SATB2: variants seen among roughly 807,000 people sequenced by gnomAD.
The protein encoded by SATB2 is SATB homeobox 2.
SATB2 carries 1 observed loss-of-function variant against 73.4 expected under a neutral mutation model. The ratio of observed to expected loss-of-function variants is 0.01; its 90% CI spans 0.00 to 0.06. The LOEUF is 0.06. Ranked by LOEUF, SATB2 falls within the 10% of genes least tolerant of loss-of-function variation. The probability of loss-of-function intolerance (pLI) is 1.00; values close to 1 mark genes in which losing one functional copy is unlikely to be tolerated. For missense variants in SATB2, 459 were observed against 945.8 expected (o/e 0.49, Z 6.75); for synonymous variants, 397 against 367.0 (o/e 1.08, Z -0.93).
At chr2:199,428,658 A>G (rs1691405921) in intron 3 of SATB2, among the ~76,000 whole-genome samples, 1 of 152,222 alleles carries the variant, frequency 6.6e-6, no homozygotes, top group African/African-American at 2.4e-5. Context: ...TGAGAATTAA[A>G]TGAGTTAGTA....
chr2:199,402,241 C>G (rs146230851), intron 3 of SATB2, among the ~76,000 whole-genome samples: 5,416 of 152,224 alleles, frequency 0.036, 154 homozygotes, highest in Middle Eastern at 0.086. Flanking sequence ...AAAAATTAGC[C>G]AGGCGTAGTG....
At chr2:199,307,169 A>G (rs1461386709) in intron 10 of SATB2, among the ~76,000 whole-genome samples, 1 of 152,196 alleles carries the variant, frequency 6.6e-6, no homozygotes, top group African/African-American at 2.4e-5. Flanking sequence ...TAGCATTTAC[A>G]TGATCTTTTG....
intron 2 of SATB2, among the ~76,000 whole-genome samples, chr2:199,439,966 A>T (rs1365068217): frequency 6.6e-6 from 1 of 152,056 alleles, no homozygotes; most frequent in Non-Finnish European, 1.5e-5. Context: ...CTAGCCGGAC[A>T]TGGTGGCAGG....
At position 199,413,914 on chromosome 2, in the gene SATB2, C is replaced by T. The variant is rs942038182; in HGVS notation, c.346+19424G>A. Among the ~76,000 whole-genome samples the T allele has an allele frequency of 3.9e-5, 6 of 152,202 alleles. No homozygotes were observed. In the Middle Eastern group the frequency reaches 0.01, roughly 259 times the overall value. Reference sequence around the variant, plus strand: ...AAATAAAACTCCTGTTTGGTTAAGCCGCTGTTGAAGAGTTTCTGCTACATA... The same window carrying T: ...AAATAAAACTCCTGTTTGGTTAAGCTGCTGTTGAAGAGTTTCTGCTACATA... On this transcript the variant is annotated intron_variant, in intron 3 of 10. Coordinates refer to ENST00000417098, the MANE Select transcript of SATB2 (RefSeq NM_001172509.2).
At chr2:199,290,911 A>G (rs1692837570) in intron 10 of SATB2, among the ~76,000 whole-genome samples, 1 of 152,224 alleles carries the variant, frequency 6.6e-6, no homozygotes, top group Admixed American at 6.5e-5. Context: ...GAGAATCCAT[A>G]TAAGACAAAC....
intron 10 of SATB2, among the ~76,000 whole-genome samples, chr2:199,307,914 T>C (rs1687480703): frequency 2.0e-5 from 3 of 152,144 alleles, no homozygotes; most frequent in Admixed American, 6.5e-5. Context: ...CTCAACTTTC[T>C]TTTTCTTACT....
chr2:199,269,759 C>A lies in SATB2; in HGVS notation c.*2452G>T, dbSNP rs1382639714. Reference sequence around the variant, plus strand: ...GAGGCACTACAAGAGAAAGTTTCTTCTTCCAAATAGATATTATATGACAGA... The same window carrying A: ...GAGGCACTACAAGAGAAAGTTTCTTATTCCAAATAGATATTATATGACAGA... On this transcript the variant is annotated 3_prime_UTR_variant, in exon 11 of 11. Coordinates refer to ENST00000417098, the MANE Select transcript of SATB2 (RefSeq NM_001172509.2). The A allele has an allele frequency of 6.7e-6, 1 of 149,112 alleles. No individual in the cohort carries two copies. Among genetic ancestry groups the A allele is most frequent in the African/African-American group, 2.5e-5 (1 of 40,500 alleles). The allele number at this position is 149,112 out of a possible 1,614,324, so 9.2% of individuals were successfully genotyped here.
At chr2:199,388,073 C>T (rs1690013828) in intron 3 of SATB2, among the ~76,000 whole-genome samples, 1 of 152,228 alleles carries the variant, frequency 6.6e-6, no homozygotes, top group Admixed American at 6.5e-5. Context: ...GGTGATAATA[C>T]ACATTATAGT....
chr2:199,432,540 T>C (rs1471772141), intron 3 of SATB2, among the ~76,000 whole-genome samples: 2 of 152,328 alleles, frequency 1.3e-5, no homozygotes, highest in East Asian at 1.9e-4. Flanking sequence ...AAGTTACGGA[T>C]TTCTCTCCTT....
intron 2 of SATB2, among the ~76,000 whole-genome samples, chr2:199,441,400 TATTA>T (rs1247087657): frequency 6.6e-6 from 1 of 152,206 alleles, no homozygotes; most frequent in Non-Finnish European, 1.5e-5. Flanking sequence ...TTCTCAATTT[TATTA>T]TTTATTATGA....
chr2:199,275,069 CAA>C (rs1692271302), intron 10 of SATB2, among the ~76,000 whole-genome samples: 1 of 152,064 alleles, frequency 6.6e-6, no homozygotes. Context: ...AATTGGAAAA[CAA>C]AAGAGAATTA....
chr2:199,402,776 A>T lies in SATB2; in HGVS notation c.347-20956T>A, dbSNP rs1200401156. ...TTCTTTTGTAAGCAGAACATATTTC[A>T]TAATAAGACATTTAAAAATATCAAT... On this transcript the variant is annotated intron_variant, in intron 3 of 10. Coordinates refer to ENST00000417098, the MANE Select transcript of SATB2 (RefSeq NM_001172509.2). Among the ~76,000 whole-genome samples, 6 of 152,236 alleles carry T rather than the reference A, an allele frequency of 3.9e-5. No individual in the cohort carries two copies. The East Asian group carries it at 1.2e-3, about 29-fold the overall frequency.
chr2:199,409,271 G>A (rs957586556), intron 3 of SATB2, among the ~76,000 whole-genome samples: 1 of 150,056 alleles, frequency 6.7e-6, no homozygotes, highest in Non-Finnish European at 1.5e-5. Flanking sequence ...CCGGGTTCAA[G>A]CAATTCTCCT....
chr2:199,412,896 A>C (rs1384404585), intron 3 of SATB2, among the ~76,000 whole-genome samples: 1 of 152,236 alleles, frequency 6.6e-6, no homozygotes, highest in East Asian at 1.9e-4. Flanking sequence ...AAGGAGTGTA[A>C]TAAGTTGTCA....
At chr2:199,442,080 C>T (rs1187633539) in intron 2 of SATB2, among the ~76,000 whole-genome samples, 1 of 152,168 alleles carries the variant, frequency 6.6e-6, no homozygotes, top group East Asian at 1.9e-4. Context: ...CCTCATGCCC[C>T]TCCCAACCCT....
intron 2 of SATB2, among the ~76,000 whole-genome samples, chr2:199,440,834 A>G (rs1691793438): frequency 6.7e-6 from 1 of 148,762 alleles, no homozygotes; most frequent in Non-Finnish European, 1.5e-5. Flanking sequence ...GAGGAAGGCA[A>G]ACTCTGCATC....
intron 3 of SATB2, among the ~76,000 whole-genome samples, chr2:199,399,197 G>A (rs910763721): frequency 6.6e-5 from 10 of 152,298 alleles, no homozygotes; most frequent in Admixed American, 1.3e-4. Context: ...GCCTGAGCCC[G>A]GGAGGCAGAG....
At chr2:199,418,969 C>G (rs1691083214) in intron 3 of SATB2, among the ~76,000 whole-genome samples, 1 of 152,134 alleles carries the variant, frequency 6.6e-6, no homozygotes, top group African/African-American at 2.4e-5. Context: ...AGTGAGAAAC[C>G]CATCACTGCA....
At chr2:199,317,828 C>T (rs1244269198) in intron 9 of SATB2, among the ~76,000 whole-genome samples, 1 of 151,958 alleles carries the variant, frequency 6.6e-6, no homozygotes, top group Non-Finnish European at 1.5e-5. Context: ...ACTTGACGCT[C>T]GCGCATCATA....
Sources: allele counts gnomAD v4.1 joint callset (sites outside exome capture counted in the v4.1 genomes callset), GRCh38; gene constraint gnomAD v4.1.1; transcripts MANE v1.5; gene names NCBI Gene and HGNC (gene_info 2026-07-23, HGNC 2026-07-21).